FBXO4: variants seen among roughly 807,000 people sequenced by gnomAD.
The protein encoded by FBXO4 is F-box only protein 4.
Under a neutral mutation model 43.7 loss-of-function variants are expected in FBXO4, and 36 were observed. The ratio of observed to expected loss-of-function variants is 0.82; its 90% CI spans 0.63 to 1.09. The LOEUF (loss-of-function observed/expected upper bound fraction) is 1.09. Ranked by LOEUF, FBXO4 falls within the 50% of genes least tolerant of loss-of-function variation. The probability of loss-of-function intolerance (pLI) is 0.00; values close to 1 mark genes in which losing one functional copy is unlikely to be tolerated. For missense variants in FBXO4, 435 were observed against 474.1 expected (o/e 0.92, Z 0.77); for synonymous variants, 180 against 165.6 (o/e 1.09, Z -0.67).
the FBXO4 span, among the ~76,000 whole-genome samples, chr5:42,019,736 A>G: frequency 6.6e-6 from 1 of 151,708 alleles, no homozygotes; most frequent in African/African-American, 2.4e-5. Flanking sequence ...AGAAAATGTA[A>G]AGTTACATAT....
At chr5:41,967,077 G>T in the FBXO4 span, 3 of 252,700 alleles carry the variant, frequency 1.2e-5, no homozygotes, top group Middle Eastern at 4.6e-4. Flanking sequence ...CGTTTCTCTC[G>T]GCTTGCTTTG....
intron 2 of FBXO4, among the ~76,000 whole-genome samples, chr5:41,929,462 G>A (rs1751608588): frequency 6.6e-6 from 1 of 152,098 alleles, no homozygotes; most frequent in Non-Finnish European, 1.5e-5. Flanking sequence ...CTTCATGGGG[G>A]AAGAGTTCCT....
the FBXO4 span, among the ~76,000 whole-genome samples, chr5:42,010,652 G>C: frequency 6.6e-6 from 1 of 152,108 alleles, no homozygotes; most frequent in Non-Finnish European, 1.5e-5. Context: ...ATGGTGCTAT[G>C]AACAAGGGGG....
At chr5:41,985,501 G>GGTTC in the FBXO4 span, among the ~76,000 whole-genome samples, 1 of 152,106 alleles carries the variant, frequency 6.6e-6, no homozygotes, top group Non-Finnish European at 1.5e-5. Flanking sequence ...ACTAAGGGAT[G>GGTTC]GTTCCTATTT....
the FBXO4 span, among the ~76,000 whole-genome samples, chr5:42,023,842 A>C: frequency 6.6e-5 from 10 of 151,968 alleles, no homozygotes; most frequent in Non-Finnish European, 1.3e-4. Flanking sequence ...CTGAGGTTTT[A>C]AGTTACAAGA....
At chr5:41,985,032 A>G in the FBXO4 span, among the ~76,000 whole-genome samples, 4 of 152,122 alleles carry the variant, frequency 2.6e-5, no homozygotes, top group African/African-American at 7.2e-5. Context: ...GATAGATCCA[A>G]CCTTCATTAT....
At chr5:42,021,968 T>TAA in the FBXO4 span, among the ~76,000 whole-genome samples, 1 of 152,158 alleles carries the variant, frequency 6.6e-6, no homozygotes, top group Non-Finnish European at 1.5e-5. Context: ...CAAACTAGAT[T>TAA]AAGTTTTAAG....
the FBXO4 span, among the ~76,000 whole-genome samples, chr5:42,010,479 G>A: frequency 6.6e-6 from 1 of 150,792 alleles, no homozygotes; most frequent in Admixed American, 6.6e-5. Flanking sequence ...CTGGACTCCA[G>A]CCTGGGTGAC....
chr5:41,934,550 G>T, intron 5 of FBXO4: 1 of 1,360,680 alleles, frequency 7.3e-7, no homozygotes, highest in Non-Finnish European at 9.5e-7. Context: ...CCTAGATTTG[G>T]GTTGTGTGAA....
the FBXO4 span, among the ~76,000 whole-genome samples, chr5:42,024,407 A>G: frequency 6.6e-6 from 1 of 151,464 alleles, no homozygotes; most frequent in Admixed American, 6.6e-5. Context: ...AAAATTTTAT[A>G]TGTTCTTTTT....
chr5:42,012,980 C>T, the FBXO4 span, among the ~76,000 whole-genome samples: 2 of 152,116 alleles, frequency 1.3e-5, no homozygotes, highest in Admixed American at 6.6e-5. Flanking sequence ...TACAGTCACA[C>T]CTAGTACTGA....
chr5:42,003,433 T>C, the FBXO4 span, among the ~76,000 whole-genome samples: 1 of 152,228 alleles, frequency 6.6e-6, no homozygotes, highest in African/African-American at 2.4e-5. Flanking sequence ...AATGTTGGCT[T>C]GGTAAAAATG....
the FBXO4 span, among the ~76,000 whole-genome samples, chr5:42,013,636 A>G: frequency 6.6e-6 from 1 of 152,170 alleles, no homozygotes; most frequent in Admixed American, 6.5e-5. Context: ...CAATCATCCA[A>G]TCCGGACAGA....
At chr5:42,007,925 G>A in the FBXO4 span, among the ~76,000 whole-genome samples, 1 of 151,996 alleles carries the variant, frequency 6.6e-6, no homozygotes, top group Non-Finnish European at 1.5e-5. Context: ...CTAGTCATTT[G>A]TTTTCATTTG....
chr5:41,956,309 C>T, the FBXO4 span, among the ~76,000 whole-genome samples: 1 of 152,134 alleles, frequency 6.6e-6, no homozygotes, highest in Non-Finnish European at 1.5e-5. Context: ...AATTACAATA[C>T]TTGAAATGAA....
chr5:41,953,409 G>A, the FBXO4 span, among the ~76,000 whole-genome samples: 3 of 152,208 alleles, frequency 2.0e-5, no homozygotes, highest in African/African-American at 7.2e-5. Flanking sequence ...TTGGACATTT[G>A]GGTTGGTTCC....
chr5:41,995,567 T>C, the FBXO4 span, among the ~76,000 whole-genome samples: 16 of 152,174 alleles, frequency 1.1e-4, no homozygotes, highest in Non-Finnish European at 2.2e-4. Context: ...CATGGGCCCA[T>C]TGGGTGATGA....
At chr5:42,030,313 A>G in the FBXO4 span, among the ~76,000 whole-genome samples, 5 of 152,330 alleles carry the variant, frequency 3.3e-5, no homozygotes, top group East Asian at 9.6e-4. Flanking sequence ...CATGTCTACA[A>G]CCATCTGATC....
rs1463960969 is a variant in FBXO4 at position 41,934,328 on chromosome 5, T to C, written c.898+20T>C. 6 of 1,613,674 alleles carry C rather than the reference T, an allele frequency of 3.7e-6. No individual in the cohort carries two copies. In the African/African-American group the frequency reaches 5.3e-5, roughly 14 times the overall value. Reference sequence around the variant, plus strand: ...ATAAAAGTAAGTACTCATATGTACATTTTTAAGCACATTGTTCTTTTCAAA... The same window carrying C: ...ATAAAAGTAAGTACTCATATGTACACTTTTAAGCACATTGTTCTTTTCAAA... On this transcript the variant is annotated intron_variant, in intron 5 of 6. Transcript: ENST00000281623.
Sources: gnomAD v4.1 joint callset for allele counts (sites outside exome capture counted in the v4.1 genomes callset) on GRCh38, gnomAD v4.1.1 for gene constraint, MANE v1.5 for transcripts, NCBI Gene and HGNC (gene_info 2026-07-23, HGNC 2026-07-21) for gene names.